PIEZO1: variants seen among roughly 807,000 people sequenced by gnomAD.
The protein encoded by PIEZO1 is piezo-type mechanosensitive ion channel component 1.
PIEZO1 carries 296 observed loss-of-function variants against 297.2 expected under a neutral mutation model. The ratio of observed to expected loss-of-function variants is 1.00; its 90% CI spans 0.91 to 1.10. The LOEUF is 1.10. PIEZO1 is among the 50% of genes least tolerant of loss of function. The pLI is 0.00. For synonymous variants in PIEZO1, 2,427 were observed against 1,507.5 expected (o/e 1.61, Z -14.13); for missense variants, 5,018 against 3,455.5 (o/e 1.45, Z -11.34).
rs769506340 is a variant in PIEZO1 at position 88,731,795 on chromosome 16, C to T, written c.3107G>A (p.Arg1036His). 9.6e-5 allele frequency: 149 copies of T among 1,549,026 alleles called. 2 individuals carry two copies. Among genetic ancestry groups the T allele is most frequent in the South Asian group, 2.9e-4 (24 of 83,998 alleles). The change falls in exon 22 of 51, where the codon CGC (arginine) becomes CAC (histidine). Residue 1036 changes from arginine (R) to histidine (H), a missense_variant. Physicochemically the swap from Arg to His is conservative, Grantham distance 29 (BLOSUM62 0). Coordinates refer to ENST00000301015, the MANE Select transcript of PIEZO1 (RefSeq NM_001142864.4). ...GAAGAGGCAGTAGTTGGGCCAGAGG[C>T]GGGCAATGGCCTGGCGGTGCCTGCG... Reference protein sequence around the residue: ...LTRRHRQAIARLWPNYCLFLA... With the variant: ...LTRRHRQAIAHLWPNYCLFLA...
intron 1 of PIEZO1, among the ~76,000 whole-genome samples, chr16:88,773,300 G>C (rs544135541): frequency 6.6e-6 from 1 of 152,386 alleles, no homozygotes; most frequent in South Asian, 2.1e-4. Context: ...CAGCCAACGA[G>C]GGACCCCCTG....
Position 88,784,979 on chromosome 16 carries a change from G to A in PIEZO1, c.-15C>T. The A allele has an allele frequency of 7.5e-7, 1 of 1,327,364 alleles. No homozygotes were observed. Among genetic ancestry groups the A allele is most frequent in the Non-Finnish European group, 9.7e-7 (1 of 1,030,506 alleles). The allele number at this position is 1,327,364 out of a possible 1,614,324, so 82.2% of individuals were successfully genotyped here. On this transcript the variant is annotated 5_prime_UTR_variant, in exon 1 of 51. Transcript: ENST00000301015. ...TGCGGCTCCATGGCTGGAGGGCCCA[G>A]GGCCCGGCCCAGACCGAGCGGACGC...
In PIEZO1 at chr16:88,716,825, C is replaced by G. The variant is rs2290901; in HGVS notation, c.6734G>C (p.Arg2245Pro). ...ACTTACCGGCTGGGGGTCAAACTGC[C>G]GGGACAGCTCCTCATAGGCCTGGGC... ...FTAQAYEELS[R>P]QFDPQPLAMQ... Residue 2245 changes from arginine to proline, a missense_variant, in exon 46 of 51, where the codon CGG becomes CCG. Coordinates refer to ENST00000301015, the MANE Select transcript of PIEZO1 (RefSeq NM_001142864.4). The G allele has an allele frequency of 6.5e-7, 1 of 1,550,068 alleles. No homozygotes were observed. Among genetic ancestry groups the G allele is most frequent in the Non-Finnish European group, 8.7e-7 (1 of 1,146,932 alleles).
At chr16:88,744,928 C>CGGGGCGG (rs1321034833) in intron 2 of PIEZO1, among the ~76,000 whole-genome samples, 5 of 152,084 alleles carry the variant, frequency 3.3e-5, no homozygotes, top group African/African-American at 1.2e-4. Context: ...CTGACCTGCA[C>CGGGGCGG]GGGGCGGGGA....
In PIEZO1 at chr16:88,735,234, G is replaced by A; in HGVS notation, c.1570C>T (p.Leu524=). The A allele has an allele frequency of 6.5e-7, 1 of 1,549,956 alleles. No individual in the cohort carries two copies. Among genetic ancestry groups the A allele is most frequent in the Non-Finnish European group, 8.7e-7 (1 of 1,146,496 alleles). Residue 524 remains leucine, a synonymous_variant, in exon 13 of 51, where the codon CTG becomes TTG. Transcript: ENST00000301015. The part of the protein sequence containing the change: ...LDLGAMLLYT[L]TFWLLLRQFV... ...TGGCGCAGCAGGAGCCAGAAGGTCAGGGTGTAGAGCAACTGTGACAAGCGC... is the reference window on the plus strand; with the variant it reads ...TGGCGCAGCAGGAGCCAGAAGGTCAAGGTGTAGAGCAACTGTGACAAGCGC...
Position 88,738,307 on chromosome 16 carries a change from G to C in PIEZO1, c.768C>G (p.Gly256=), listed in dbSNP as rs761959598. Residue 256 remains glycine (G), a synonymous_variant, in exon 7 of 51, where the codon GGC becomes GGG. Coordinates refer to ENST00000301015, the MANE Select transcript of PIEZO1 (RefSeq NM_001142864.4). ...AGTAGAGGCAGATGAGATGGCCGGC[G>C]CCGAAGCACCCCACCGCGACGCAGA... ...SRLCVAVGCF[G]AGHLICLYCY... The C allele has an allele frequency of 1.4e-5, 21 of 1,535,872 alleles. No individual in the cohort carries two copies. The highest frequency in any genetic ancestry group is 3.3e-4 in the Middle Eastern group (2 of 5,990).
At chr16:88,732,792 C>T (rs530981070) in intron 19 of PIEZO1, 60 bp from the exon 20 acceptor site, 73 of 1,447,994 alleles carry the variant, frequency 5.0e-5, no homozygotes, top group Admixed American at 1.4e-4. Flanking sequence ...TGGCCCTGCC[C>T]GGAGCCCACC....
chr16:88,783,929 C>G (rs903767464), intron 1 of PIEZO1, among the ~76,000 whole-genome samples: 1 of 152,248 alleles, frequency 6.6e-6, no homozygotes, highest in African/African-American at 2.4e-5. Flanking sequence ...AAAGGCCCCA[C>G]CTGCCGTGTC....
chr16:88,768,415 G>A (rs538847431), intron 1 of PIEZO1, among the ~76,000 whole-genome samples: 5 of 152,326 alleles, frequency 3.3e-5, no homozygotes, highest in Admixed American at 3.3e-4. Flanking sequence ...GGGACTGGAC[G>A]GCCCTGGCTA....
chr16:88,720,341 C>T, intron 41 of PIEZO1, 44 bp downstream of exon 41: 1 of 1,550,142 alleles, frequency 6.5e-7, no homozygotes, highest in Non-Finnish European at 8.7e-7. Context: ...TGGGTGGCTG[C>T]TGAGCTCTGC....
At chr16:88,769,657 G>C (rs927179524) in intron 1 of PIEZO1, among the ~76,000 whole-genome samples, 7 of 152,204 alleles carry the variant, frequency 4.6e-5, no homozygotes, top group African/African-American at 1.7e-4. Context: ...CAGCACGCAG[G>C]GAGCAGAGCA....
intron 10 of PIEZO1, 115 bp from the exon 11 acceptor site, chr16:88,736,854 G>T: frequency 1.6e-6 from 1 of 630,370 alleles, no homozygotes. Flanking sequence ...ACAGGCCCCC[G>T]GTGGGCTATG....
chr16:88,742,260 C>T, intron 3 of PIEZO1, 40 bp downstream of exon 3: 1 of 1,520,038 alleles, frequency 6.6e-7, no homozygotes, highest in Non-Finnish European at 8.8e-7. Context: ...TCCCTGACCC[C>T]CAGGATGGCT....
intron 1 of PIEZO1, among the ~76,000 whole-genome samples, chr16:88,765,745 C>T (rs566414652): frequency 1.3e-5 from 2 of 151,098 alleles, no homozygotes; most frequent in East Asian, 1.9e-4. Flanking sequence ...CACAATCTCG[C>T]GCACTACAAC....
intron 1 of PIEZO1, among the ~76,000 whole-genome samples, chr16:88,779,142 G>A (rs1907811433): frequency 2.0e-5 from 3 of 150,480 alleles, no homozygotes; most frequent in South Asian, 2.1e-4. Flanking sequence ...CCTGGGTTCC[G>A]GCGATTCTCC....
rs920394277 is a variant in PIEZO1, at chr16:88,737,566, C to G, written c.1188G>C (p.Arg396=). ...GCAGTGTGCGGTACTCACCAGGCCG[C>G]CGCAGGACGGAGCTCTGGCCGGTCA... The part of the protein sequence containing the change: ...HELTGQSSVL[R]RPVRPKRAEP... The change falls in exon 10 of 51, where the codon CGG becomes CGC. Residue 396 remains arginine (R), a synonymous_variant. Coordinates refer to ENST00000301015, the MANE Select transcript of PIEZO1 (RefSeq NM_001142864.4). 1.3e-6 allele frequency: 2 copies of G among 1,532,912 alleles called. No individual in the cohort carries two copies. Among genetic ancestry groups the G allele is most frequent in the African/African-American group, 2.7e-5 (2 of 72,952 alleles). 95.0% of individuals were successfully genotyped at this position (1,532,912 alleles called of 1,614,324 possible).
At chr16:88,761,156 G>A (rs1012471125) in intron 1 of PIEZO1, among the ~76,000 whole-genome samples, 3 of 152,198 alleles carry the variant, frequency 2.0e-5, no homozygotes, top group East Asian at 1.9e-4. Flanking sequence ...ACACAGCCAC[G>A]TGGGTGGGAC....
chr16:88,732,819 G>T, intron 19 of PIEZO1, 87 bp from the exon 20 acceptor site: 2 of 1,351,682 alleles, frequency 1.5e-6, no homozygotes, highest in Non-Finnish European at 2.0e-6. Context: ...ACAGCTCTGG[G>T]GCAGGTCCAC....
chr16:88,738,735 TC>T lies in PIEZO1; in HGVS notation c.466del (p.Asp156MetfsTer50). On this transcript the variant is annotated frameshift_variant and splice_region_variant, in exon 6 of 51. Coordinates refer to ENST00000301015, the MANE Select transcript of PIEZO1 (RefSeq NM_001142864.4). LOFTEE classifies it high-confidence loss of function. ...TRQSPHPREL[D>X]DDERDVDASP... ...GGCATCCACATCCCTCTCATCATCATCCTGCCAAGGTCACGGACAGGGGCAA... is the reference window on the plus strand; with the variant it reads ...GGCATCCACATCCCTCTCATCATCATCTGCCAAGGTCACGGACAGGGGCAA... 1.3e-6 allele frequency: 2 copies of T among 1,528,704 alleles called. No individual in the cohort carries two copies. Among genetic ancestry groups the T allele is most frequent in the Non-Finnish European group, 1.8e-6 (2 of 1,141,182 alleles). 94.7% of individuals were successfully genotyped at this position (1,528,704 alleles called of 1,614,324 possible). A position where few individuals can be genotyped will look rare whatever the true frequency, so the allele number is the denominator to read the frequency against.
Sources: gnomAD v4.1 joint callset for allele counts (sites outside exome capture counted in the v4.1 genomes callset) on GRCh38, gnomAD v4.1.1 for gene constraint, MANE v1.5 for transcripts, NCBI Gene and HGNC (gene_info 2026-07-23, HGNC 2026-07-21) for gene names.